The following GGA3 variants were observed in gnomAD, a reference collection of about 807,000 sequenced individuals.
GGA3 encodes the protein golgi associated, gamma adaptin ear containing, ARF binding protein 3, also known as ADP-ribosylation factor-binding protein GGA3.
In GGA3, 57 loss-of-function variants were observed where a neutral mutation model predicts 77.5. The ratio of observed to expected loss-of-function variants is 0.74; its 90% CI spans 0.59 to 0.92. GGA3 has a LOEUF of 0.92. GGA3 is among the 40% of genes least tolerant of loss of function. The pLI is 0.00. For missense variants in GGA3, 970 were observed against 914.9 expected (o/e 1.06, Z -0.78); for synonymous variants, 416 against 383.7 (o/e 1.08, Z -0.98).
In GGA3 at chr17:75,240,675, ACT is replaced by A. The variant is rs566110093; in HGVS notation, c.1192+135_1192+136del. 1.7e-4 allele frequency: 175 copies of A among 1,024,216 alleles called. 2 individuals are homozygous for A. The South Asian group carries it at 2.7e-3, about 16-fold the overall frequency. 63.4% of individuals were successfully genotyped at this position (1,024,216 alleles called of 1,614,324 possible). A position where few individuals can be genotyped will look rare whatever the true frequency, so the allele number is the denominator to read the frequency against. On this transcript the variant is annotated intron_variant, in intron 11 of 16. Coordinates refer to ENST00000537686, the MANE Select transcript of GGA3 (RefSeq NM_138619.4). ...GGGGCCCTCAGGGTCGCTGAACTTC[ACT>A]GAGTACCTCCAACTCAGGGTTCTTT... is the stretch of plus-strand genomic sequence containing the variant.
chr17:75,254,983 T>C (rs1254028423), intron 1 of GGA3, among the ~76,000 whole-genome samples: 2 of 152,168 alleles, frequency 1.3e-5, no homozygotes, highest in South Asian at 2.1e-4. Context: ...CCAGAGCCCC[T>C]GGAACTCTGG....
intron 1 of GGA3, among the ~76,000 whole-genome samples, chr17:75,251,455 C>T (rs1161439704): frequency 6.6e-6 from 1 of 152,036 alleles, no homozygotes; most frequent in African/African-American, 2.4e-5. Context: ...CACCCGCAAT[C>T]CCAGCATTTT....
chr17:75,249,208 G>C (rs2076876144), intron 1 of GGA3, among the ~76,000 whole-genome samples: 2 of 150,830 alleles, frequency 1.3e-5, no homozygotes, highest in South Asian at 4.1e-4. Flanking sequence ...ACTATGCCTG[G>C]CTACTTTTTG....
chr17:75,241,043 T>C lies in GGA3; in HGVS notation c.961A>G (p.Ser321Gly), dbSNP rs146877619. 2.7e-3 allele frequency: 4,410 copies of C among 1,614,106 alleles called. 8 individuals carry two copies. Among genetic ancestry groups the C allele is most frequent in the Non-Finnish European group, 3.4e-3 (3,963 of 1,179,990 alleles). ...LPDSEGNSQC[S>G]NQGTLIDLAE... is the part of the protein sequence containing the mutation. ...AGGTCGATGAGCGTGCCTTGGTTAC[T>C]GCACTGACTGTTTCCTGGATGGGTC... Residue 321 changes from serine (S) to glycine (G), a missense_variant, in exon 11 of 17, where the codon AGT becomes GGT. By Grantham distance (56) the Ser-to-Gly change is moderately conservative. Coordinates refer to ENST00000537686, the MANE Select transcript of GGA3 (RefSeq NM_138619.4).
In GGA3 at chr17:75,242,929, CAG is replaced by C. The variant is rs774379933; in HGVS notation, c.529-20_529-19del. ...GCTAAAAGCTGAGAGAGGAGGAAAT[CAG>C]AGGTGAAGGGAAGAGGCAGCACCCG... On this transcript the variant is annotated intron_variant, in intron 6 of 16. Coordinates refer to ENST00000537686, the MANE Select transcript of GGA3 (RefSeq NM_138619.4). The C allele has an allele frequency of 3.7e-6, 6 of 1,606,790 alleles. No individual in the cohort carries two copies. Among genetic ancestry groups the C allele is most frequent in the Non-Finnish European group, 5.1e-6 (6 of 1,173,284 alleles).
intron 1 of GGA3, 83 bp from the exon 2 acceptor site, chr17:75,246,879 A>G: frequency 9.4e-7 from 1 of 1,062,918 alleles, no homozygotes; most frequent in Non-Finnish European, 1.4e-6. Flanking sequence ...AGTTTTAAGC[A>G]CTAAGAGTTT....
In GGA3 at chr17:75,240,421, AGAG is replaced by A; in HGVS notation, c.1193-12_1193-10del. 12 of 1,577,112 alleles carry A rather than the reference AGAG, an allele frequency of 7.6e-6. No individual in the cohort carries two copies. The highest frequency in any genetic ancestry group is 1.0e-5 in the Non-Finnish European group (12 of 1,156,692). On this transcript the variant is annotated splice_polypyrimidine_tract_variant and intron_variant, in intron 11 of 16. Transcript: ENST00000537686. ...GGCTGGGTCGGCGAGGCCTGACAAT[AGAG>A]AAGAAAACAGGATGAGAAGAGGCTC... is the stretch of plus-strand genomic sequence containing the variant.
At chr17:75,242,230 G>A (rs2076583213) in intron 8 of GGA3, 106 bp downstream of exon 8, 1 of 1,191,102 alleles carries the variant, frequency 8.4e-7, no homozygotes, top group Non-Finnish European at 1.2e-6. Flanking sequence ...ACACTGCCAA[G>A]TGCACAGCCC....
rs1254641585 is a variant in GGA3, at chr17:75,240,081, T to C, written c.1291A>G (p.Ser431Gly). 3 of 1,545,996 alleles carry C rather than the reference T, an allele frequency of 1.9e-6. No individual in the cohort carries two copies. Among genetic ancestry groups the C allele is most frequent in the Non-Finnish European group, 2.6e-6 (3 of 1,147,628 alleles). Residue 431 changes from serine to glycine, a missense_variant, in exon 13 of 17, where the codon AGC becomes GGC. Ser to Gly is a moderately conservative substitution (Grantham distance 56, BLOSUM62 0). Transcript: ENST00000537686. ...CAGGCAGCGGTCCCCGGCCTGGGGCTGAAGAAGTCCAGGTCGGACTGTTCC... is the reference window on the plus strand; with the variant it reads ...CAGGCAGCGGTCCCCGGCCTGGGGCCGAAGAAGTCCAGGTCGGACTGTTCC... ...QREQSDLDFF[S>G]PRPGTAACGA...
chr17:75,257,279 C>CT (rs756338369), intron 1 of GGA3, among the ~76,000 whole-genome samples: 1 of 5,676 alleles, frequency 1.8e-4, no homozygotes, highest in African/African-American at 6.7e-4. Context: ...TTAGACTGTG[C>CT]CCCCCCCCCC....
In GGA3 at chr17:75,238,976, ACACCAC is replaced by A. The variant is rs1292564144; in HGVS notation, c.1882_1887del (p.Val628_Val629del). 3.1e-6 allele frequency: 5 copies of A among 1,613,972 alleles called. No homozygotes were observed. Among genetic ancestry groups the A allele is most frequent in the Non-Finnish European group, 4.2e-6 (5 of 1,179,974 alleles). ...GGTAAGGGAGCCGTGTTCAGCATGG[ACACCAC>A]CACCACCAGCACGTCAGGTCGTCCT... On this transcript the variant is annotated inframe_deletion, in exon 15 of 17. Coordinates refer to ENST00000537686, the MANE Select transcript of GGA3 (RefSeq NM_138619.4).
At chr17:75,261,835 C>A, upstream of GGA3, 1 of 1,524,864 alleles carries the variant, frequency 6.6e-7, no homozygotes, top group Non-Finnish European at 8.9e-7. Flanking sequence ...TCTTTTTCAC[C>A]CGTTTCCCGT....
At chr17:75,260,003 G>A (rs2077295241) in intron 1 of GGA3, among the ~76,000 whole-genome samples, 2 of 152,092 alleles carry the variant, frequency 1.3e-5, no homozygotes, top group African/African-American at 4.8e-5. Context: ...AAAAGAATTA[G>A]CCAAGCATGG....
At chr17:75,250,229 T>C (rs947059559) in intron 1 of GGA3, among the ~76,000 whole-genome samples, 1 of 152,246 alleles carries the variant, frequency 6.6e-6, no homozygotes, top group African/African-American at 2.4e-5. Flanking sequence ...GCTTCCCCTA[T>C]AGACCTTGCC....
intron 5 of GGA3, 54 bp downstream of exon 5, chr17:75,243,392 TG>T: frequency 6.2e-7 from 1 of 1,608,788 alleles, no homozygotes. Flanking sequence ...CTTCTCTCCT[TG>T]CCTGGGCCAG....
At chr17:75,245,561 GT>G (rs984492249) in intron 3 of GGA3, among the ~76,000 whole-genome samples, 2 of 151,990 alleles carry the variant, frequency 1.3e-5, no homozygotes, top group Admixed American at 1.3e-4. Context: ...ATCTCGCTAT[GT>G]TGGTCAGGCT....
In GGA3 at chr17:75,237,411, A is replaced by T. The variant is rs1323257872; in HGVS notation, c.*868T>A. 3.0e-6 allele frequency: 4 copies of T among 1,333,842 alleles called. No individual in the cohort carries two copies. Among genetic ancestry groups the T allele is most frequent in the Non-Finnish European group, 3.1e-6 (3 of 962,148 alleles). 82.6% of individuals were successfully genotyped at this position (1,333,842 alleles called of 1,614,324 possible). The stretch of plus-strand genomic sequence containing the variant: ...GGGAGGCCAAAGCAGTAGGATGTAG[A>T]GTGGCGGTAGATTCCAAGGGGAGGA... On this transcript the variant is annotated 3_prime_UTR_variant, in exon 17 of 17. Transcript: ENST00000537686.
chr17:75,261,466 G>C (rs1202572220), intron 1 of GGA3, 82 bp downstream of exon 1: 2 of 1,155,662 alleles, frequency 1.7e-6, no homozygotes, highest in Non-Finnish European at 2.3e-6. Flanking sequence ...CGACGCCGTG[G>C]AGCCCGGGGA....
chr17:75,257,731 A>C (rs1278646107), intron 1 of GGA3, among the ~76,000 whole-genome samples: 1 of 151,882 alleles, frequency 6.6e-6, no homozygotes, highest in African/African-American at 2.4e-5. Context: ...CCCTAATCCC[A>C]CTTGAAGCAG....
Sources: gnomAD v4.1 joint callset for allele counts (sites outside exome capture counted in the v4.1 genomes callset) on GRCh38, gnomAD v4.1.1 for gene constraint, MANE v1.5 for transcripts, NCBI Gene and HGNC (gene_info 2026-07-23, HGNC 2026-07-21) for gene names.